The following KLHL13 variants were observed in gnomAD, a reference collection of about 807,000 sequenced individuals.
The protein encoded by KLHL13 is kelch-like protein 13.
In KLHL13, 10 loss-of-function variants were observed where a neutral mutation model predicts 37.1. The ratio of observed to expected loss-of-function variants is 0.27; its 90% CI spans 0.17 to 0.46. The LOEUF (loss-of-function observed/expected upper bound fraction) is 0.46. Among genes scored for constraint, KLHL13 ranks in the 20% least tolerant of loss-of-function variants. The pLI, the probability that KLHL13 is intolerant of heterozygous loss-of-function variation, is 1.00. For synonymous variants in KLHL13, 163 were observed against 181.2 expected, an observed-to-expected ratio of 0.90 and a Z score of 0.81; for missense variants, 360 against 509.3, an observed-to-expected ratio of 0.71 and a Z score of 2.82.
chrX:118,057,550 G>A (rs1373849354), intron 1 of KLHL13, among the ~76,000 whole-genome samples: 2 of 112,232 alleles, frequency 1.8e-5, no homozygotes, highest in Non-Finnish European at 3.8e-5. Context: ...GGCCGGGGCC[G>A]TGGCTCATGC....
At chrX:118,098,973 G>A (rs1417315786) in intron 1 of KLHL13, among the ~76,000 whole-genome samples, 1 of 79,539 alleles carries the variant, frequency 1.3e-5, no homozygotes, top group East Asian at 4.5e-4. Flanking sequence ...GGAGAGGGGA[G>A]GGGGAGGGAT....
At chrX:117,949,678 A>G (rs1417418071) in intron 1 of KLHL13, among the ~76,000 whole-genome samples, 1 of 112,119 alleles carries the variant, frequency 8.9e-6, no homozygotes, top group South Asian at 3.7e-4. Flanking sequence ...AAAATAAGAT[A>G]TCATCTTGAT....
chrX:117,945,599 A>G lies in KLHL13; in HGVS notation c.99-24T>C, dbSNP rs752814828. ...ATCTGAAAGTTTTTTTACATAAGAA[A>G]GAAGGGGAAATTAAAACTTGTACAA... is the stretch of plus-strand genomic sequence containing the variant. On this transcript the variant is annotated intron_variant, in intron 1 of 6. Transcript: ENST00000262820. 10 of 1,157,317 alleles carry G rather than the reference A, an allele frequency of 8.6e-6. No individual in the cohort carries two copies. The South Asian group carries it at 1.9e-4, about 22-fold the overall frequency.
chrX:117,909,526 G>T (rs1425910208), exon 5 of KLHL13: 1 of 1,210,952 alleles, frequency 8.3e-7, no homozygotes. Flanking sequence ...ATGCCATGCT[G>T]GTACCTTGGG....
intron 2 of KLHL13, among the ~76,000 whole-genome samples, chrX:117,926,885 CTTTTTTTTTTTTTTTTTTTTTTT>C (rs10596292): frequency 0.056 from 1,459 of 26,193 alleles, 77 homozygotes; most frequent in East Asian, 0.31. Context: ...CCCCCTACTT[CTTTTTTTTTTTTTTTTTTTTTTT>C]TTTTTTTTTT....
intron 1 of KLHL13, among the ~76,000 whole-genome samples, chrX:118,083,965 G>A (rs913961364): frequency 1.5e-4 from 17 of 111,015 alleles, no homozygotes; most frequent in African/African-American, 5.2e-4. Flanking sequence ...AAGTACAAAT[G>A]GAGAAATAAT....
chrX:118,071,318 T>C (rs1243422037), intron 1 of KLHL13, among the ~76,000 whole-genome samples: 2 of 111,526 alleles, frequency 1.8e-5, no homozygotes, highest in Non-Finnish European at 3.8e-5. Flanking sequence ...TCTAGATCCC[T>C]GAGGAATCGC....
chrX:118,009,729 T>A (rs1229878508), intron 1 of KLHL13, among the ~76,000 whole-genome samples: 1 of 62,607 alleles, frequency 1.6e-5, no homozygotes, highest in African/African-American at 6.8e-5. Flanking sequence ...GACTTGGCGA[T>A]GCGGGCTCTT....
At chrX:118,082,244 C>T (rs2055003906) in intron 1 of KLHL13, among the ~76,000 whole-genome samples, 1 of 110,580 alleles carries the variant, frequency 9.0e-6, no homozygotes, top group African/African-American at 3.3e-5. Flanking sequence ...ATGTAAGTTC[C>T]CTTTTCTCCA....
At chrX:117,917,649 T>G (rs779491749) in intron 4 of KLHL13, among the ~76,000 whole-genome samples, 1 of 112,120 alleles carries the variant, frequency 8.9e-6, no homozygotes, top group South Asian at 3.7e-4. Flanking sequence ...GTAATATTAC[T>G]ATAACTTTTT....
chrX:118,054,754 C>T (rs2054667369), intron 1 of KLHL13, among the ~76,000 whole-genome samples: 1 of 111,449 alleles, frequency 9.0e-6, no homozygotes, highest in African/African-American at 3.3e-5. Flanking sequence ...TTATAAACTG[C>T]CTCCTTAGGA....
At chrX:117,911,944 T>C (rs1931021030) in intron 4 of KLHL13, among the ~76,000 whole-genome samples, 1 of 112,058 alleles carries the variant, frequency 8.9e-6, no homozygotes, top group African/African-American at 3.2e-5. Context: ...GAAAAATAAG[T>C]TAACAAATTA....
chrX:118,001,976 G>C (rs905647136), intron 1 of KLHL13, among the ~76,000 whole-genome samples: 21 of 108,475 alleles, frequency 1.9e-4, no homozygotes, highest in African/African-American at 6.7e-4. Context: ...TGAACAGTTT[G>C]TTATATTAAC....
chrX:117,925,917 C>T (rs1931987941), intron 2 of KLHL13, among the ~76,000 whole-genome samples: 1 of 110,974 alleles, frequency 9.0e-6, no homozygotes, highest in Non-Finnish European at 1.9e-5. Context: ...CTCAAGGATG[C>T]CCCCCAACCG....
At chrX:117,992,533 C>T (rs1231374480) in intron 1 of KLHL13, among the ~76,000 whole-genome samples, 1 of 111,012 alleles carries the variant, frequency 9.0e-6, no homozygotes, top group Non-Finnish European at 1.9e-5. Context: ...TACCTTCCCC[C>T]CATCAACACA....
intron 1 of KLHL13, among the ~76,000 whole-genome samples, chrX:118,042,620 A>G (rs1443628099): frequency 8.9e-6 from 1 of 112,032 alleles, no homozygotes; most frequent in Non-Finnish European, 1.9e-5. Context: ...GGGTCAATGA[A>G]GAAATTTAGA....
rs138294626 is a variant in KLHL13, at chrX:118,016,022, G to T, written c.-55-70447C>A. Reference sequence around the variant, plus strand: ...ATTGAAAGTGAGAAAACCAAATTATGATAAATTAATAAAAGGACTTATCTC... The same window carrying T: ...ATTGAAAGTGAGAAAACCAAATTATTATAAATTAATAAAAGGACTTATCTC... On this transcript the variant is annotated intron_variant, in intron 1 of 6. Coordinates refer to the KLHL13 transcript ENST00000371882. Among the ~76,000 whole-genome samples, 435 of 111,833 alleles carry T rather than the reference G, an allele frequency of 3.9e-3. 4 individuals carry two copies. Among genetic ancestry groups the T allele is most frequent in the African/African-American group, 0.012 (366 of 30,916 alleles).
rs1422170774 is a variant in KLHL13, at chrX:118,083,431, A to G, written c.-56+33077T>C. Among the ~76,000 whole-genome samples the G allele has an allele frequency of 2.7e-5, 3 of 112,153 alleles. No homozygotes were observed. In the Admixed American group the frequency reaches 2.8e-4, roughly 11 times the overall value. On this transcript the variant is annotated intron_variant, in intron 1 of 6. Coordinates refer to the KLHL13 transcript ENST00000371882. The stretch of plus-strand genomic sequence containing the variant: ...GGAATGCAACCTGTCATTTGTGACA[A>G]AATTGATGAACTTAGAGGACATTAT...
chrX:118,005,711 G>A (rs140033508), intron 1 of KLHL13, among the ~76,000 whole-genome samples: 483 of 111,550 alleles, frequency 4.3e-3, no homozygotes, highest in Non-Finnish European at 6.1e-3. Flanking sequence ...GCAAGGAAAC[G>A]GATTTTCCCC....
Sources: gnomAD v4.1 joint callset for allele counts (sites outside exome capture counted in the v4.1 genomes callset) on GRCh38, gnomAD v4.1.1 for gene constraint, MANE v1.5 for transcripts, NCBI Gene and HGNC (gene_info 2026-07-23, HGNC 2026-07-21) for gene names.